RNF216: variants seen among roughly 807,000 people sequenced by gnomAD.
RNF216 encodes E3 ubiquitin-protein ligase RNF216.
RNF216 carries 72 observed loss-of-function variants against 110.8 expected under a neutral mutation model. The observed-to-expected ratio is 0.65, with a 90% CI of 0.54 to 0.79. RNF216 has a LOEUF of 0.79. RNF216 is among the 30% of genes least tolerant of loss of function. The pLI is 0.00. For missense variants in RNF216, 1,342 were observed against 1,141.2 expected, an observed-to-expected ratio of 1.18 and a Z score of -2.54; for synonymous variants, 495 against 407.5, an observed-to-expected ratio of 1.21 and a Z score of -2.59.
At chr7:5,639,749 C>T (rs1329388413) in intron 15 of RNF216, among the ~76,000 whole-genome samples, 3 of 151,424 alleles carry the variant, frequency 2.0e-5, no homozygotes, top group East Asian at 2.0e-4. Context: ...CATGTGACAC[C>T]GTGCCTAGCC....
chr7:5,702,045 C>T (rs558743826), intron 13 of RNF216, among the ~76,000 whole-genome samples: 42 of 152,084 alleles, frequency 2.8e-4, no homozygotes, highest in Admixed American at 5.9e-4. Context: ...TCAGGGAGGT[C>T]GGCGACATCT....
rs771574713 is a variant in RNF216 at position 5,624,058 on chromosome 7, C to T, written c.2450G>A (p.Gly817Glu). 2 of 1,613,366 alleles carry T rather than the reference C, an allele frequency of 1.2e-6. No individual in the cohort carries two copies. The highest frequency in any genetic ancestry group is 8.5e-7 in the Non-Finnish European group (1 of 1,179,802). ...GGGGCCTGGGGAGGGGCACTTGCCT[C>T]CATTCTTTCTTTTCTGTTCCTCTTC... Reference protein sequence around the residue: ...EAEEEQKRKNGENTFKRIGPP... With the variant: ...EAEEEQKRKNEENTFKRIGPP... Residue 817 changes from glycine (G) to glutamate (E), a missense_variant and splice_region_variant, in exon 16 of 17, where the codon GGA becomes GAA. Coordinates refer to ENST00000389902, the MANE Select transcript of RNF216 (RefSeq NM_207111.4). The surrounding 1 kb of genome is among the most constrained non-coding windows in gnomAD (Gnocchi z 4.4).
chr7:5,644,582 T>C (rs1369806117), intron 14 of RNF216, among the ~76,000 whole-genome samples: 1 of 152,018 alleles, frequency 6.6e-6, no homozygotes, highest in Non-Finnish European at 1.5e-5. Flanking sequence ...ATCAGCTCAC[T>C]GCAACTTCCG....
rs148282284 is a variant in RNF216, at chr7:5,622,917, C to T, written c.2715G>A (p.Met905Ile). 31 of 1,613,034 alleles carry T rather than the reference C, an allele frequency of 1.9e-5. No homozygotes were observed. The highest frequency in any genetic ancestry group is 1.5e-4 in the Admixed American group (9 of 59,972). ...GCATGGGCAGGTTGTGCTCCAGGGG[C>T]ATGTGGATGGGACCGAAGTCATAGT... Reference protein sequence around the residue: ...RVNYDFGPIHMPLEHNLPMHF... With the variant: ...RVNYDFGPIHIPLEHNLPMHF... Residue 905 changes from methionine (M) to isoleucine (I), a missense_variant, in exon 17 of 17, where the codon ATG becomes ATA. By Grantham distance (10) the Met-to-Ile change is conservative. Transcript: ENST00000389902.
chr7:5,656,907 G>T (rs917137318), intron 13 of RNF216, among the ~76,000 whole-genome samples: 10 of 152,152 alleles, frequency 6.6e-5, no homozygotes, highest in Admixed American at 2.0e-4. Flanking sequence ...CCTCCTCCAA[G>T]CCCAGCAAGT....
chr7:5,737,771 G>C (rs1258986998), intron 5 of RNF216, among the ~76,000 whole-genome samples: 1 of 152,082 alleles, frequency 6.6e-6, no homozygotes, highest in African/African-American at 2.4e-5. Context: ...TTTGGGGAAA[G>C]GTGTTTAGTG....
At chr7:5,772,723 G>A (rs1003314200) in intron 1 of RNF216, among the ~76,000 whole-genome samples, 7 of 150,424 alleles carry the variant, frequency 4.7e-5, no homozygotes, top group Non-Finnish European at 5.9e-5. Context: ...AACCAGGTTA[G>A]CAAAGTTTTA....
At chr7:5,769,452 G>A (rs2128678511) in intron 1 of RNF216, among the ~76,000 whole-genome samples, 1 of 152,102 alleles carries the variant, frequency 6.6e-6, no homozygotes, top group Non-Finnish European at 1.5e-5. Flanking sequence ...GCTGGGCGTG[G>A]TGGCTCATGC....
At chr7:5,716,954 T>C (rs1793101803) in intron 9 of RNF216, among the ~76,000 whole-genome samples, 188 bp from the exon 10 acceptor site, 1 of 152,160 alleles carries the variant, frequency 6.6e-6, no homozygotes. Context: ...CAGGACAATA[T>C]TTCTTAAGTA....
intron 13 of RNF216, among the ~76,000 whole-genome samples, chr7:5,657,169 C>T (rs755844779): frequency 2.0e-4 from 31 of 152,280 alleles, no homozygotes; most frequent in Non-Finnish European, 2.6e-4. Flanking sequence ...TGTCAACTCA[C>T]TCTCTAGGGG....
intron 14 of RNF216, among the ~76,000 whole-genome samples, chr7:5,651,128 C>G (rs1323846231): frequency 2.6e-5 from 4 of 152,178 alleles, no homozygotes; most frequent in African/African-American, 7.2e-5. Flanking sequence ...CTATTTCCCA[C>G]TTTCTTTGGG....
At chr7:5,665,669 G>C (rs942895901) in intron 13 of RNF216, among the ~76,000 whole-genome samples, 4 of 152,004 alleles carry the variant, frequency 2.6e-5, no homozygotes, top group Admixed American at 2.0e-4. Flanking sequence ...AGGGCTTCGA[G>C]GACAGAGTGG....
At chr7:5,639,205 T>TGCA (rs1334714702) in intron 15 of RNF216, among the ~76,000 whole-genome samples, 1 of 152,186 alleles carries the variant, frequency 6.6e-6, no homozygotes, top group Non-Finnish European at 1.5e-5. Flanking sequence ...TTAGCCTCAC[T>TGCA]GCAGCCCCTT....
At chr7:5,759,670 C>T (rs1274126115) in intron 2 of RNF216, among the ~76,000 whole-genome samples, 3 of 126,522 alleles carry the variant, frequency 2.4e-5, no homozygotes, top group African/African-American at 8.7e-5. Flanking sequence ...CTTGCCCTGT[C>T]GCCCAGGCTG....
Position 5,752,777 on chromosome 7 carries a change from C to A in RNF216, c.201+69G>T, listed in dbSNP as rs964539287. 4.5e-6 allele frequency: 7 copies of A among 1,552,452 alleles called. No individual in the cohort carries two copies. In the Admixed American group the frequency reaches 5.5e-5, roughly 12 times the overall value. On this transcript the variant is annotated intron_variant, in intron 3 of 16. Transcript: ENST00000389902. ...AGGTGCTGTTCTACAACAAGGCCCACAAGAGTGGCTGAAAAATCAGATCAC... is the reference window on the plus strand; with the variant it reads ...AGGTGCTGTTCTACAACAAGGCCCAAAAGAGTGGCTGAAAAATCAGATCAC...
chr7:5,637,402 G>A (rs1037813358), intron 15 of RNF216, among the ~76,000 whole-genome samples: 2 of 152,198 alleles, frequency 1.3e-5, no homozygotes, highest in South Asian at 2.1e-4. Flanking sequence ...TTTGTAATCT[G>A]AGTGATTTTT....
intron 13 of RNF216, among the ~76,000 whole-genome samples, chr7:5,700,043 A>G (rs1791865865): frequency 6.6e-6 from 1 of 152,188 alleles, no homozygotes; most frequent in Non-Finnish European, 1.5e-5. Context: ...TCGATGCCCT[A>G]AACACTCCTC....
rs142141787 is a variant in RNF216, at chr7:5,698,913, A to C, written c.2061+12848T>G. ...CTCTTAAAAAACTGAACAAGCCACAAAACAGGACATTCGAATAAGGGTCTT... is the reference window on the plus strand; with the variant it reads ...CTCTTAAAAAACTGAACAAGCCACACAACAGGACATTCGAATAAGGGTCTT... On this transcript the variant is annotated intron_variant, in intron 13 of 16. Transcript: ENST00000389902. Among the ~76,000 whole-genome samples, 580 of 152,326 alleles carry C rather than the reference A, an allele frequency of 3.8e-3. 2 individuals are homozygous for C. The highest frequency in any genetic ancestry group is 0.013 in the African/African-American group (561 of 41,566).
chr7:5,679,235 C>T (rs1185786038), intron 13 of RNF216, among the ~76,000 whole-genome samples: 1 of 152,170 alleles, frequency 6.6e-6, no homozygotes, highest in African/African-American at 2.4e-5. Context: ...ACACAGCTAA[C>T]AAGTGGTGGG....
Sources: gnomAD v4.1 joint callset for allele counts (sites outside exome capture counted in the v4.1 genomes callset) on GRCh38, gnomAD v4.1.1 for gene constraint, Gnocchi (gnomAD v3.1) non-coding constraint, MANE v1.5 for transcripts, NCBI Gene and HGNC (gene_info 2026-07-23, HGNC 2026-07-21) for gene names.